The following SLC28A1 variants were observed in gnomAD, a reference collection of about 807,000 sequenced individuals.
The protein encoded by SLC28A1 is solute carrier family 28 member 1.
Under a neutral mutation model 74.8 loss-of-function variants are expected in SLC28A1, and 64 were observed. That is an observed-to-expected ratio of 0.86 (90% CI 0.70 to 1.05). The LOEUF (loss-of-function observed/expected upper bound fraction) is 1.05. SLC28A1 is among the 50% of genes least tolerant of loss of function. The probability of loss-of-function intolerance (pLI) is 0.00; values close to 1 mark genes in which losing one functional copy is unlikely to be tolerated. For synonymous variants in SLC28A1, 359 were observed against 335.0 expected (o/e 1.07, Z -0.78); for missense variants, 828 against 822.8 (o/e 1.01, Z -0.08).
At chr15:84,898,152 C>A (rs943710388) in intron 6 of SLC28A1, among the ~76,000 whole-genome samples, 1 of 151,122 alleles carries the variant, frequency 6.6e-6, no homozygotes, top group Non-Finnish European at 1.5e-5. Context: ...TCATATATAC[C>A]CAGTAGTGGA....
chr15:84,912,802 G>GCA (rs1410282900), intron 9 of SLC28A1, among the ~76,000 whole-genome samples: 6 of 55,736 alleles, frequency 1.1e-4, no homozygotes, highest in Non-Finnish European at 2.8e-4. Context: ...AATTTTGCGC[G>GCA]CGCGCACACA....
chr15:84,938,228 A>G (rs1332194792), intron 15 of SLC28A1, among the ~76,000 whole-genome samples: 1 of 150,436 alleles, frequency 6.6e-6, no homozygotes, highest in Non-Finnish European at 1.5e-5. Flanking sequence ...GTTTCTATAG[A>G]GTAAAAAGCA....
chr15:84,946,110 A>ATTTTTTTTTTT (rs1382844934), downstream of SLC28A1, among the ~76,000 whole-genome samples: 3 of 9,594 alleles, frequency 3.1e-4, no homozygotes, highest in East Asian at 4.8e-3. Flanking sequence ...ATATATATAT[A>ATTTTTTTTTTT]TATTTTTTTT....
At chr15:84,921,147 TC>T (rs1237647707) in intron 11 of SLC28A1, 78 bp downstream of exon 11, 2 of 1,072,342 alleles carry the variant, frequency 1.9e-6, no homozygotes, top group African/African-American at 3.1e-5. Flanking sequence ...TCCCCAGAGC[TC>T]TGATTCAGTC....
rs1965954773 is a variant in SLC28A1, at chr15:84,895,893, G to T, written c.461+770G>T. 10 of 1,016,252 alleles carry T rather than the reference G, an allele frequency of 9.8e-6. No individual in the cohort carries two copies. In the South Asian group the frequency reaches 2.8e-4, roughly 28 times the overall value. The allele number at this position is 1,016,252 out of a possible 1,614,324, so 63.0% of individuals were successfully genotyped here. On this transcript the variant is annotated intron_variant, in intron 6 of 18. Coordinates refer to ENST00000394573, the MANE Select transcript of SLC28A1 (RefSeq NM_004213.5). Reference sequence around the variant, plus strand: ...GTCAGGGGGATGCAGGGGTACAGGGGTGCCTCTCACTTTCCCAAAGTGAGA... The same window carrying T: ...GTCAGGGGGATGCAGGGGTACAGGGTTGCCTCTCACTTTCCCAAAGTGAGA...
At chr15:84,890,035 A>T (rs1245499919) in intron 4 of SLC28A1, among the ~76,000 whole-genome samples, 4 of 151,786 alleles carry the variant, frequency 2.6e-5, no homozygotes, top group Non-Finnish European at 5.9e-5. Flanking sequence ...GGGGTTTGTC[A>T]TGTTGCCCAG....
chr15:84,895,888 CA>C (rs2141694317), intron 6 of SLC28A1: 2 of 1,025,946 alleles, frequency 1.9e-6, no homozygotes, highest in Non-Finnish European at 1.2e-6. Flanking sequence ...TGCAGGGGTA[CA>C]GGGGTGCCTC....
Position 84,887,812 on chromosome 15 carries a change from G to A in SLC28A1, c.52G>A (p.Ala18Thr). The change falls in exon 3 of 19, where the codon GCC (alanine) becomes ACC (threonine). Residue 18 changes from alanine (A) to threonine (T), a missense_variant. Physicochemically the swap from Ala to Thr is moderately conservative, Grantham distance 58. Around this residue, in one of 3 missense-constraint regions of SLC28A1, gnomAD observed 767 missense variants for 753.5 expected, o/e 1.02. Transcript: ENST00000394573. ...RRESISLTPV[A>T]KGLENMGADF... is the part of the protein sequence containing the mutation. ...AGAGTCCATCTCTCTCACACCTGTG[G>A]CCAAGGGTCTGGAGAACATGGGGGC... 6.2e-7 allele frequency: 1 copy of A among 1,614,126 alleles called. No homozygotes were observed. The highest frequency in any genetic ancestry group is 8.5e-7 in the Non-Finnish European group (1 of 1,179,980).
chr15:84,925,528 A>G (rs1157498366), intron 12 of SLC28A1, among the ~76,000 whole-genome samples: 1 of 152,096 alleles, frequency 6.6e-6, no homozygotes, highest in African/African-American at 2.4e-5. Context: ...TGAAACTGGG[A>G]GGCGGAGGTT....
At chr15:84,913,001 A>G (rs1326197746) in intron 9 of SLC28A1, among the ~76,000 whole-genome samples, 1 of 152,088 alleles carries the variant, frequency 6.6e-6, no homozygotes, top group Non-Finnish European at 1.5e-5. Flanking sequence ...CCGAGGCAGG[A>G]GGCATCTTGT....
At chr15:84,890,336 G>A in intron 4 of SLC28A1, 107 bp from the exon 5 acceptor site, 1 of 801,674 alleles carries the variant, frequency 1.2e-6, no homozygotes, top group Non-Finnish European at 2.1e-6. Flanking sequence ...GCCCTGGCTT[G>A]CCCCTGTTGC....
the SLC28A1 span, among the ~76,000 whole-genome samples, chr15:84,954,041 A>G: frequency 6.6e-5 from 10 of 152,180 alleles, no homozygotes; most frequent in African/African-American, 2.2e-4. Flanking sequence ...ATTTCTCCAT[A>G]AGACTGGACC....
chr15:84,948,833 T>C (rs2079318528), downstream of SLC28A1, among the ~76,000 whole-genome samples: 1 of 152,188 alleles, frequency 6.6e-6, no homozygotes. Context: ...ACGCCTCTCA[T>C]TGCTACTCCA....
At chr15:84,942,732 G>A (rs1206804655) in intron 15 of SLC28A1, among the ~76,000 whole-genome samples, 5 of 152,174 alleles carry the variant, frequency 3.3e-5, no homozygotes, top group Non-Finnish European at 4.4e-5. Context: ...CTCAGCCTGA[G>A]AGCATTCACA....
chr15:84,937,695 A>G (rs897721049), intron 15 of SLC28A1, among the ~76,000 whole-genome samples: 2 of 151,876 alleles, frequency 1.3e-5, no homozygotes, highest in South Asian at 4.2e-4. Context: ...TGAGGTCAGG[A>G]GTTTGAGACC....
chr15:84,941,313 C>G (rs1972664245), intron 15 of SLC28A1, among the ~76,000 whole-genome samples: 1 of 151,648 alleles, frequency 6.6e-6, no homozygotes, highest in Non-Finnish European at 1.5e-5. Flanking sequence ...TCACGCCATT[C>G]TCCTGCCTCA....
chr15:84,921,219 T>C, intron 11 of SLC28A1, 150 bp downstream of exon 11: 2 of 714,326 alleles, frequency 2.8e-6, no homozygotes, highest in South Asian at 3.0e-5. Flanking sequence ...CCAGGGATAC[T>C]CTGTTTGGGG....
At chr15:84,923,367 C>T (rs937450357) in intron 11 of SLC28A1, among the ~76,000 whole-genome samples, 4 of 152,204 alleles carry the variant, frequency 2.6e-5, no homozygotes, top group Non-Finnish European at 5.9e-5. Flanking sequence ...CCACCCTCCA[C>T]GGCTCCCAGG....
chr15:84,924,872 G>A (rs2141943460), intron 12 of SLC28A1, among the ~76,000 whole-genome samples: 1 of 151,614 alleles, frequency 6.6e-6, no homozygotes, highest in African/African-American at 2.4e-5. Flanking sequence ...CACTTCCCAT[G>A]GGTAACTGAT....
Sources: allele counts gnomAD v4.1 joint callset (sites outside exome capture counted in the v4.1 genomes callset), GRCh38; gene constraint gnomAD v4.1.1; regional missense constraint gnomAD v4.1.1; transcripts MANE v1.5; gene names NCBI Gene and HGNC (gene_info 2026-07-23, HGNC 2026-07-21).